Variants in KIF14 observed in about 807,000 individuals in gnomAD.
The protein encoded by KIF14 is kinesin family member 14, also known as kinesin-like protein KIF14.
Under a neutral mutation model 176.2 loss-of-function variants are expected in KIF14, and 98 were observed. The ratio of observed to expected loss-of-function variants is 0.56; its 90% CI spans 0.47 to 0.66. The LOEUF (loss-of-function observed/expected upper bound fraction) is 0.66. Ranked by LOEUF, KIF14 falls within the 30% of genes least tolerant of loss-of-function variation. The pLI is 0.00. For missense variants in KIF14, 1,751 were observed against 1,920.4 expected (o/e 0.91, Z 1.65); for synonymous variants, 566 against 632.2 (o/e 0.90, Z 1.57).
At chr1:200,592,016 T>C in intron 16 of KIF14, 64 bp downstream of exon 16, 1 of 1,349,548 alleles carries the variant, frequency 7.4e-7, no homozygotes, top group Non-Finnish European at 1.0e-6. Context: ...ACTGGCACAA[T>C]GTGATTAACT....
chr1:200,565,418 G>A (rs1229584887), intron 24 of KIF14, 27 bp downstream of exon 24: 2 of 1,525,634 alleles, frequency 1.3e-6, no homozygotes, highest in South Asian at 1.2e-5. Flanking sequence ...ATTTATGTGA[G>A]TTAACAAAAG....
At chr1:200,588,705 G>A (rs1328127233) in intron 18 of KIF14, among the ~76,000 whole-genome samples, 2 of 152,210 alleles carry the variant, frequency 1.3e-5, no homozygotes, top group East Asian at 1.9e-4. Context: ...AAATTGATTA[G>A]TTGAGGTGGC....
chr1:200,579,546 T>C (rs2102647576), intron 21 of KIF14, among the ~76,000 whole-genome samples: 2 of 149,974 alleles, frequency 1.3e-5, no homozygotes, highest in African/African-American at 4.9e-5. Flanking sequence ...GAGGCGGAGG[T>C]TGCAGTGAGC....
intron 27 of KIF14, among the ~76,000 whole-genome samples, chr1:200,558,013 TGGTGCAATCACA>T (rs1353622011): frequency 6.6e-6 from 1 of 152,204 alleles, no homozygotes; most frequent in Non-Finnish European, 1.5e-5. Context: ...TGATATGCAG[TGGTGCAATCACA>T]GCTCACTGCA....
At chr1:200,608,522 C>T (rs1050177086) in intron 5 of KIF14, among the ~76,000 whole-genome samples, 4 of 151,948 alleles carry the variant, frequency 2.6e-5, no homozygotes, top group African/African-American at 9.7e-5. Flanking sequence ...TCCGCCACAC[C>T]CGGCTAATTT....
rs1369367902 is a variant in KIF14 at position 200,617,971 on chromosome 1, T to C, written c.753A>G (p.Thr251=). ...QSKLDIKVLG[T]GNLYHRSIGK... is the part of the protein sequence containing the mutation. The stretch of plus-strand genomic sequence containing the variant: ...CAATACTTCTATGATACAAGTTTCC[T>C]GTTCCCAACACTTTGATATCCAACT... The change falls in exon 2 of 30, where the codon ACA becomes ACG. Residue 251 remains threonine (T), a synonymous_variant. Transcript: ENST00000367350. The C allele has an allele frequency of 2.5e-6, 4 of 1,614,076 alleles. No individual in the cohort carries two copies. Among genetic ancestry groups the C allele is most frequent in the Non-Finnish European group, 3.4e-6 (4 of 1,180,008 alleles).
rs772375375 is a variant in KIF14 at position 200,565,565 on chromosome 1, T to C, written c.3766A>G (p.Ser1256Gly). Residue 1256 changes from serine (S) to glycine (G), a missense_variant, in exon 24 of 30, where the codon AGT (serine) becomes GGT (glycine). Physicochemically the swap from Ser to Gly is moderately conservative, Grantham distance 56. Coordinates refer to ENST00000367350, the MANE Select transcript of KIF14 (RefSeq NM_014875.3). ...GCTATAGTTCTTTCTTCATCATAAC[T>C]CTGTCCAAAAAAATCTAACGAAGAA... The part of the protein sequence containing the change: ...IGSSLDFFGQ[S>G]YDEERTIADS... The C allele has an allele frequency of 1.2e-6, 2 of 1,611,838 alleles. No individual in the cohort carries two copies. Among genetic ancestry groups the C allele is most frequent in the Non-Finnish European group, 1.7e-6 (2 of 1,179,486 alleles).
rs751900511 is a variant in KIF14 at position 200,590,205 on chromosome 1, C to A, written c.2881G>T (p.Ala961Ser). ...AGCTCTTGCTGAGCCATTTCTTTTG[C>A]AATCTGGATTCCTTGCATCATTTCT... ...KEEMMQGIQI[A>S]KEMAQQELSS... Residue 961 changes from alanine to serine, a missense_variant, in exon 17 of 30, where the codon GCA (alanine) becomes TCA (serine). Ala to Ser is a moderately conservative substitution (Grantham distance 99, BLOSUM62 1). Transcript: ENST00000367350. 6.2e-7 allele frequency: 1 copy of A among 1,613,846 alleles called. No individual in the cohort carries two copies. The highest frequency in any genetic ancestry group is 1.7e-5 in the Admixed American group (1 of 59,992).
chr1:200,576,937 C>T (rs1181619581), intron 21 of KIF14, among the ~76,000 whole-genome samples: 1 of 151,540 alleles, frequency 6.6e-6, no homozygotes, highest in African/African-American at 2.4e-5. Context: ...TCAGGTAATC[C>T]TCTCACCGCA....
intron 22 of KIF14, among the ~76,000 whole-genome samples, chr1:200,571,948 A>G (rs1009344442): frequency 6.6e-6 from 1 of 152,212 alleles, no homozygotes; most frequent in African/African-American, 2.4e-5. Context: ...AACAGTATGT[A>G]TCAAAATTTA....
In KIF14 at chr1:200,603,249, A is replaced by G; in HGVS notation, c.1956T>C (p.Pro652=). The G allele has an allele frequency of 6.2e-7, 1 of 1,602,304 alleles. No homozygotes were observed. The highest frequency in any genetic ancestry group is 1.1e-5 in the South Asian group (1 of 90,144). The change falls in exon 10 of 30, where the codon CCT becomes CCC. Residue 652 remains proline (P), a synonymous_variant. Coordinates refer to ENST00000367350, the MANE Select transcript of KIF14 (RefSeq NM_014875.3). ...EQANQRSVFI[P]YRESVLTWLL... ...GCCATGTAAGAACAGATTCACGATA[A>G]GGAATAAAAACACTCCTTTGGTTTG...
At chr1:200,571,586 C>T (rs1268393266) in intron 22 of KIF14, among the ~76,000 whole-genome samples, 1 of 152,166 alleles carries the variant, frequency 6.6e-6, no homozygotes, top group African/African-American at 2.4e-5. Context: ...CTCTCTATTA[C>T]AGTTGGCCAC....
rs1223072160 is a variant in KIF14, at chr1:200,609,414, C to T, written c.1456-486G>A. ...CTGTAATCCCAGCACTTTGGGAGGC[C>T]GAGGTGGGAGGATCATTTGAGGTCA... is the stretch of plus-strand genomic sequence containing the variant. On this transcript the variant is annotated intron_variant, in intron 4 of 29. Coordinates refer to ENST00000367350, the MANE Select transcript of KIF14 (RefSeq NM_014875.3). 4.6e-5 allele frequency among the ~76,000 whole-genome samples: 7 copies of T among 152,078 alleles called. No homozygotes were observed. In the East Asian group the frequency reaches 1.2e-3, roughly 25 times the overall value.
intron 22 of KIF14, among the ~76,000 whole-genome samples, chr1:200,572,492 C>CTG (rs1156626398): frequency 6.6e-6 from 1 of 152,000 alleles, no homozygotes; most frequent in East Asian, 1.9e-4. Flanking sequence ...TTACAGGCGC[C>CTG]CAACACCACG....
intron 21 of KIF14, among the ~76,000 whole-genome samples, chr1:200,577,046 A>C (rs1658156653): frequency 6.6e-6 from 1 of 151,748 alleles, no homozygotes; most frequent in African/African-American, 2.4e-5. Context: ...GTGGTGGCTC[A>C]TGTCTGTAAT....
chr1:200,608,413 G>A (rs1021588268), intron 5 of KIF14, among the ~76,000 whole-genome samples: 1 of 148,084 alleles, frequency 6.8e-6, no homozygotes, highest in African/African-American at 2.5e-5. Context: ...CGCCCAGGCT[G>A]GAGTACAGTG....
chr1:200,580,340 C>T lies in KIF14; in HGVS notation c.3379G>A (p.Val1127Ile), dbSNP rs1352873372. The T allele has an allele frequency of 6.6e-7, 1 of 1,526,244 alleles. No homozygotes were observed. Among genetic ancestry groups the T allele is most frequent in the Non-Finnish European group, 8.8e-7 (1 of 1,131,584 alleles). 94.5% of individuals were successfully genotyped at this position (1,526,244 alleles called of 1,614,324 possible). The change falls in exon 21 of 30, where the codon GTT (valine) becomes ATT (isoleucine). Residue 1127 changes from valine to isoleucine, a missense_variant. Transcript: ENST00000367350. ...DKSSSDTSIRVRNLKLGISTF... is the reference protein window; with the variant it reads ...DKSSSDTSIRIRNLKLGISTF... ...GAGATTCCTAGTTTCAGGTTACGAA[C>T]CCGAATAGAAGTGTCAGAACTACTT...
Position 200,615,476 on chromosome 1 carries a change from G to A in KIF14, c.1246C>T (p.His416Tyr). The A allele has an allele frequency of 1.9e-6, 3 of 1,614,128 alleles. No individual in the cohort carries two copies. The highest frequency in any genetic ancestry group is 2.2e-5 in the South Asian group (2 of 91,072). Residue 416 changes from histidine (H) to tyrosine (Y), a missense_variant, in exon 3 of 30, where the codon CAC (histidine) becomes TAC (tyrosine). Coordinates refer to ENST00000367350, the MANE Select transcript of KIF14 (RefSeq NM_014875.3). The stretch of plus-strand genomic sequence containing the variant: ...TAGACAGTTGTCTGGCTAGCGTAGT[G>A]AGGATGACATTCATCAAAAGACCAG... Reference protein sequence around the residue: ...SFWSFDECHPHYASQTTVYEK... With the variant: ...SFWSFDECHPYYASQTTVYEK...
At position 200,620,565 on chromosome 1, in the gene KIF14, G is replaced by C. The variant is rs1384581662; in HGVS notation, c.-270C>G. ...ACCTGGAATGCTGAGGAACTGAATG[G>C]GGGACTGGAGCTAAGACCACCCGCC... is the stretch of plus-strand genomic sequence containing the variant. On this transcript the variant is annotated 5_prime_UTR_variant, in exon 1 of 30. Coordinates refer to ENST00000367350, the MANE Select transcript of KIF14 (RefSeq NM_014875.3). 1 of 149,860 alleles carries C rather than the reference G, an allele frequency of 6.7e-6. No homozygotes were observed. Among genetic ancestry groups the C allele is most frequent in the Non-Finnish European group, 1.5e-5 (1 of 68,134 alleles). 9.3% of individuals were successfully genotyped at this position (149,860 alleles called of 1,614,324 possible). A position where few individuals can be genotyped will look rare whatever the true frequency, so the allele number is the denominator to read the frequency against.
Sources: gnomAD v4.1 joint callset for allele counts (sites outside exome capture counted in the v4.1 genomes callset) on GRCh38, gnomAD v4.1.1 for gene constraint, MANE v1.5 for transcripts, NCBI Gene and HGNC (gene_info 2026-07-23, HGNC 2026-07-21) for gene names.